The following PRRT1B variants were observed in gnomAD, a reference collection of about 807,000 sequenced individuals.
The protein encoded by PRRT1B is dispanin subfamily D member 2.
intron 1 of PRRT1B, among the ~76,000 whole-genome samples, chr9:131,552,869 C>CA (rs200598717): frequency 0.11 from 14,098 of 132,884 alleles, 891 homozygotes; most frequent in African/African-American, 0.17. Flanking sequence ...GTATTTTTAG[C>CA]GAGACGGGGT....
chr9:131,551,922 C>T lies in PRRT1B; in HGVS notation c.26-2635C>T, dbSNP rs188095811. Among the ~76,000 whole-genome samples, 55 of 152,256 alleles carry T rather than the reference C, an allele frequency of 3.6e-4. No homozygotes were observed. Among genetic ancestry groups the T allele is most frequent in the African/African-American group, 1.3e-3 (54 of 41,548 alleles). The stretch of plus-strand genomic sequence containing the variant: ...CAAAGCCTGTTTGGTGGTCTCTTCA[C>T]ACGGACACGAGTGAAACCCGCCACC... On this transcript the variant is annotated intron_variant, in intron 1 of 3. Coordinates refer to ENST00000636672, the Ensembl canonical transcript of PRRT1B. This position sits in a 1 kb window ranked among gnomAD's most constrained non-coding sequence, Gnocchi z 4.4.
At chr9:131,554,797 A>G (rs923282467) in exon 2 of PRRT1B, 384 of 344,748 alleles carry the variant, frequency 1.1e-3, no homozygotes, top group African/African-American at 8.0e-3. Context: ...CCGGTTTCCA[A>G]GGCGGCGGCC....
At chr9:131,550,245 C>T (rs146351544) in intron 1 of PRRT1B, among the ~76,000 whole-genome samples, 208 of 152,298 alleles carry the variant, frequency 1.4e-3, no homozygotes, top group African/African-American at 4.8e-3. Flanking sequence ...TCTATCCACC[C>T]CGTGATGCCA....
rs569572887 is a variant in PRRT1B, at chr9:131,548,245, A to AT, written c.25+2606dup. Among the ~76,000 whole-genome samples the AT allele has an allele frequency of 9.3e-3, 1,418 of 151,712 alleles. 27 individuals are homozygous for AT. The highest frequency in any genetic ancestry group is 0.031 in the African/African-American group (1,295 of 41,332). ...TTCTCCACTTTCCTGGGGGGCAAGC[A>AT]TCCCCCACCCCTTCTCTCCGTATCT... On this transcript the variant is annotated intron_variant, in intron 1 of 3. Transcript: ENST00000636672.
chr9:131,557,988 C>T, intron 3 of PRRT1B, 65 bp from the exon 4 acceptor site: 1 of 398,516 alleles, frequency 2.5e-6, no homozygotes, highest in East Asian at 3.6e-5. Flanking sequence ...CCCTCAATCG[C>T]ACTGGGAGGG....
intron 1 of PRRT1B, among the ~76,000 whole-genome samples, chr9:131,552,895 T>G (rs1174209927): frequency 6.7e-6 from 1 of 149,400 alleles, no homozygotes; most frequent in African/African-American, 2.5e-5. Context: ...CATGTTGCCC[T>G]GGGTGGTCTC....
exon 3 of PRRT1B, chr9:131,556,155 T>C: frequency 5.0e-6 from 2 of 401,188 alleles, no homozygotes; most frequent in Non-Finnish European, 4.4e-6. Flanking sequence ...GAGTCAGTGC[T>C]GGTGACCCTC....
At chr9:131,547,227 A>G (rs1191484560) in intron 1 of PRRT1B, among the ~76,000 whole-genome samples, 1 of 152,028 alleles carries the variant, frequency 6.6e-6, no homozygotes, top group Non-Finnish European at 1.5e-5. Context: ...CAGGCCTCCG[A>G]GCCAAAGCTA....
At position 131,547,065 on chromosome 9, in the gene PRRT1B, C is replaced by CTTTTTTTTTTTTTTTTTTTTTT. The variant is rs549825970; in HGVS notation, c.25+1428_25+1449dup. 4.0e-5 allele frequency among the ~76,000 whole-genome samples: 4 copies of CTTTTTTTTTTTTTTTTTTTTTT among 100,804 alleles called. 1 individual carries two copies. The highest frequency in any genetic ancestry group is 2.0e-4 in the African/African-American group (4 of 20,484). 66.1% of individuals were successfully genotyped at this position (100,804 alleles called of 152,430 possible). A position where few individuals can be genotyped will look rare whatever the true frequency, so the allele number is the denominator to read the frequency against. On this transcript the variant is annotated intron_variant, in intron 1 of 3. Transcript: ENST00000636672. Reference sequence around the variant, plus strand: ...AGAGCAGAGCCTGGCCTCCTGTTCGCTTTTTTTTTTTTTTTTTTTTTTTTG... The same window carrying CTTTTTTTTTTTTTTTTTTTTTT: ...AGAGCAGAGCCTGGCCTCCTGTTCGCTTTTTTTTTTTTTTTTTTTTTTTTTTTTTTTTTTTTTTTTTTTTTTG...
At chr9:131,548,373 T>C (rs2132006502) in intron 1 of PRRT1B, among the ~76,000 whole-genome samples, 1 of 152,326 alleles carries the variant, frequency 6.6e-6, no homozygotes, top group Middle Eastern at 3.4e-3. Context: ...TTAAAACCTC[T>C]TTAACTCTCG....
chr9:131,552,229 G>A (rs986724730), intron 1 of PRRT1B, among the ~76,000 whole-genome samples: 7 of 152,216 alleles, frequency 4.6e-5, no homozygotes, highest in African/African-American at 1.7e-4. Flanking sequence ...AGTCCAGGCT[G>A]GAGTGCAGTG....
intron 3 of PRRT1B, among the ~76,000 whole-genome samples, chr9:131,557,094 TCATC>T (rs994438635): frequency 2.0e-5 from 3 of 152,014 alleles, no homozygotes; most frequent in East Asian, 3.9e-4. Context: ...ATCCCTCTAT[TCATC>T]CATCCATCTA....
chr9:131,545,916 G>GC (rs2132004634), intron 1 of PRRT1B, among the ~76,000 whole-genome samples: 1 of 152,246 alleles, frequency 6.6e-6, no homozygotes, highest in East Asian at 1.9e-4. Flanking sequence ...GGCAGGGCGG[G>GC]CCCAGGCCCG....
At chr9:131,546,722 G>A (rs567921572) in intron 1 of PRRT1B, among the ~76,000 whole-genome samples, 1 of 148,948 alleles carries the variant, frequency 6.7e-6, no homozygotes, top group South Asian at 2.2e-4. Context: ...CGGAGGCTCC[G>A]GTGTCAAGAG....
intron 2 of PRRT1B, among the ~76,000 whole-genome samples, 152 bp from the exon 3 acceptor site, chr9:131,555,918 C>T (rs1206548644): frequency 6.6e-6 from 1 of 152,120 alleles, no homozygotes; most frequent in East Asian, 1.9e-4. Flanking sequence ...AGAGGGGCAC[C>T]CTGACCCAAC....
At chr9:131,552,422 G>A (rs552561824) in intron 1 of PRRT1B, among the ~76,000 whole-genome samples, 13 of 152,168 alleles carry the variant, frequency 8.5e-5, no homozygotes, top group Non-Finnish European at 1.6e-4. Flanking sequence ...ACTGTATGGC[G>A]AACAGTCTTG....
chr9:131,558,232 C>T (rs954067056), exon 4 of PRRT1B: 2 of 400,938 alleles, frequency 5.0e-6, no homozygotes, highest in Non-Finnish European at 4.4e-6. Context: ...ATGCCGGATG[C>T]CGGAATGTCC....
intron 1 of PRRT1B, 37 bp from the exon 2 acceptor site, chr9:131,554,520 C>A: frequency 2.6e-6 from 1 of 386,540 alleles, no homozygotes; most frequent in Non-Finnish European, 4.6e-6. Context: ...CCTAGCCCGG[C>A]GGCCTCTTGC....
At chr9:131,550,664 C>T (rs1235289343) in intron 1 of PRRT1B, among the ~76,000 whole-genome samples, 1 of 152,198 alleles carries the variant, frequency 6.6e-6, no homozygotes, top group African/African-American at 2.4e-5. Context: ...GCCCCGTAGC[C>T]TTTCTGTCCA....
Sources: allele counts gnomAD v4.1 joint callset (sites outside exome capture counted in the v4.1 genomes callset), GRCh38; gene constraint gnomAD v4.1.1; non-coding constraint Gnocchi (gnomAD v3.1); transcripts MANE v1.5; gene names NCBI Gene and HGNC (gene_info 2026-07-23, HGNC 2026-07-21).